Variants in SGCZ observed in about 807,000 individuals in gnomAD.
SGCZ encodes the protein sarcoglycan zeta, also known as zeta-sarcoglycan.
Under a neutral mutation model 41.3 loss-of-function variants are expected in SGCZ, and 40 were observed. That is an observed-to-expected ratio of 0.97 (90% CI 0.75 to 1.26). The LOEUF is 1.26. Among genes scored for constraint, SGCZ ranks in the 50% most tolerant of loss-of-function variants. The pLI is 0.00. For synonymous variants in SGCZ, 206 were observed against 137.5 expected (o/e 1.50, Z -3.49); for missense variants, 552 against 369.8 (o/e 1.49, Z -4.04).
chr8:14,123,702 A>G (rs970081354), intron 5 of SGCZ, among the ~76,000 whole-genome samples: 1 of 152,206 alleles, frequency 6.6e-6, no homozygotes. Context: ...AAACAGATCA[A>G]TTATCAATCA....
chr8:15,216,445 C>T lies in SGCZ; in HGVS notation c.39+21140G>A, dbSNP rs1440801596. 2.0e-5 allele frequency among the ~76,000 whole-genome samples: 3 copies of T among 151,964 alleles called. No individual in the cohort carries two copies. In the East Asian group the frequency reaches 5.9e-4, roughly 30 times the overall value. Reference sequence around the variant, plus strand: ...CCGTGTTCGCCAGGATGGTCTCGATCTCCTGACCTCATGATCTGCCCACCT... The same window carrying T: ...CCGTGTTCGCCAGGATGGTCTCGATTTCCTGACCTCATGATCTGCCCACCT... On this transcript the variant is annotated intron_variant, in intron 1 of 7. Transcript: ENST00000382080.
Position 14,556,387 on chromosome 8 carries a change from C to T in SGCZ, c.40-1461G>A, listed in dbSNP as rs369741441. The stretch of plus-strand genomic sequence containing the variant: ...AGTAATATAAAATATATGTACTATA[C>T]AATTATCATTGTAATGTTCATTGAC... On this transcript the variant is annotated intron_variant, in intron 1 of 7. Coordinates refer to ENST00000382080, the MANE Select transcript of SGCZ (RefSeq NM_139167.4). Among the ~76,000 whole-genome samples the T allele has an allele frequency of 5.9e-5, 9 of 151,738 alleles. No homozygotes were observed. In the East Asian group the frequency reaches 1.7e-3, roughly 29 times the overall value.
intron 1 of SGCZ, among the ~76,000 whole-genome samples, chr8:14,658,003 T>TA (rs1207071183): frequency 1.3e-5 from 2 of 152,038 alleles, no homozygotes; most frequent in Non-Finnish European, 2.9e-5. Context: ...TAATCTAATT[T>TA]AAAAAAAGGA....
intron 3 of SGCZ, among the ~76,000 whole-genome samples, chr8:14,278,809 C>T (rs1466516877): frequency 2.0e-5 from 3 of 151,992 alleles, no homozygotes; most frequent in Non-Finnish European, 4.4e-5. Flanking sequence ...TGATCTACCT[C>T]TATATTGGAC....
At chr8:14,252,678 G>C (rs1198073934) in intron 3 of SGCZ, among the ~76,000 whole-genome samples, 5 of 152,086 alleles carry the variant, frequency 3.3e-5, no homozygotes, top group African/African-American at 1.2e-4. Flanking sequence ...ATAAAGTCGA[G>C]GGGGCAGGAC....
At chr8:14,456,778 G>T (rs1478681891) in intron 2 of SGCZ, among the ~76,000 whole-genome samples, 1 of 152,326 alleles carries the variant, frequency 6.6e-6, no homozygotes, top group East Asian at 1.9e-4. Context: ...GGTAGGACCT[G>T]TTGGGAGGTG....
chr8:14,320,499 G>A (rs536645393), intron 3 of SGCZ, among the ~76,000 whole-genome samples: 4 of 151,536 alleles, frequency 2.6e-5, no homozygotes, highest in Non-Finnish European at 5.9e-5. Context: ...TAGGGTACAG[G>A]TGCACAATGT....
At chr8:14,926,944 T>A (rs144175744) in intron 1 of SGCZ, among the ~76,000 whole-genome samples, 1 of 151,074 alleles carries the variant, frequency 6.6e-6, no homozygotes, top group Non-Finnish European at 1.5e-5. Context: ...TGGCCGACAC[T>A]TTGATTTTAA....
At chr8:14,274,920 T>C (rs1165133620) in intron 3 of SGCZ, among the ~76,000 whole-genome samples, 2 of 152,132 alleles carry the variant, frequency 1.3e-5, no homozygotes, top group Admixed American at 6.6e-5. Flanking sequence ...ATTTGTTCCA[T>C]AGAGTTTTGG....
chr8:14,579,805 C>T (rs191695751), intron 1 of SGCZ, among the ~76,000 whole-genome samples: 1 of 152,182 alleles, frequency 6.6e-6, no homozygotes, highest in Non-Finnish European at 1.5e-5. Context: ...TCATAATTTT[C>T]TCTTGATTCC....
At chr8:14,169,508 T>G (rs1021973583) in intron 4 of SGCZ, among the ~76,000 whole-genome samples, 22 of 152,158 alleles carry the variant, frequency 1.4e-4, no homozygotes, top group Non-Finnish European at 1.8e-4. Context: ...TGACACACTT[T>G]CATTTACTTT....
At chr8:15,096,083 A>G (rs1050566818) in intron 1 of SGCZ, among the ~76,000 whole-genome samples, 6 of 151,820 alleles carry the variant, frequency 4.0e-5, no homozygotes, top group African/African-American at 1.5e-4. Context: ...TTACTTATTT[A>G]TTTATTTTTT....
chr8:15,033,398 C>T (rs1378709648), intron 1 of SGCZ, among the ~76,000 whole-genome samples: 1 of 151,498 alleles, frequency 6.6e-6, no homozygotes, highest in Non-Finnish European at 1.5e-5. Flanking sequence ...CCCTAGTAGC[C>T]CCAGACTAGT....
At chr8:15,204,609 G>T (rs187898232) in intron 1 of SGCZ, among the ~76,000 whole-genome samples, 1 of 152,108 alleles carries the variant, frequency 6.6e-6, no homozygotes, top group East Asian at 1.9e-4. Flanking sequence ...CTTCCTTTGC[G>T]ACTCTCATAG....
intron 1 of SGCZ, among the ~76,000 whole-genome samples, chr8:14,889,370 A>G (rs536146309): frequency 1.3e-5 from 2 of 152,288 alleles, no homozygotes; most frequent in Non-Finnish European, 2.9e-5. Flanking sequence ...ATTGTGCTCA[A>G]GTAATATACT....
intron 1 of SGCZ, among the ~76,000 whole-genome samples, chr8:14,762,258 A>G (rs750771774): frequency 6.6e-6 from 1 of 152,200 alleles, no homozygotes; most frequent in Non-Finnish European, 1.5e-5. Context: ...ATAAATCTCC[A>G]TGAACCTCAA....
intron 1 of SGCZ, among the ~76,000 whole-genome samples, chr8:15,053,630 G>A (rs1001134090): frequency 2.0e-4 from 31 of 152,100 alleles, no homozygotes; most frequent in African/African-American, 7.5e-4. Context: ...AAGAAAGTCG[G>A]AGGTGATATT....
chr8:14,256,351 G>A (rs887219349), intron 3 of SGCZ, among the ~76,000 whole-genome samples: 2 of 151,602 alleles, frequency 1.3e-5, no homozygotes, highest in African/African-American at 4.9e-5. Flanking sequence ...CTCAGAAAAA[G>A]TGCACTTTAA....
intron 7 of SGCZ, among the ~76,000 whole-genome samples, chr8:14,095,188 G>T (rs1563122437): frequency 6.6e-6 from 1 of 152,116 alleles, no homozygotes; most frequent in Non-Finnish European, 1.5e-5. Context: ...TTTTAATCGT[G>T]AAGTCTTTGC....
Sources: gnomAD v4.1 joint callset for allele counts (sites outside exome capture counted in the v4.1 genomes callset) on GRCh38, gnomAD v4.1.1 for gene constraint, MANE v1.5 for transcripts, NCBI Gene and HGNC (gene_info 2026-07-23, HGNC 2026-07-21) for gene names.